The following JPH3 variants were observed in gnomAD, a reference collection of about 807,000 sequenced individuals.
JPH3 encodes junctophilin-3.
In JPH3, 11 loss-of-function variants were observed where a neutral mutation model predicts 59.6. The ratio of observed to expected loss-of-function variants is 0.18; its 90% CI spans 0.12 to 0.31. The LOEUF is 0.31. Ranked by LOEUF, JPH3 falls within the 10% of genes least tolerant of loss-of-function variation. The pLI, the probability that JPH3 is intolerant of heterozygous loss-of-function variation, is 1.00. For synonymous variants in JPH3, 673 were observed against 483.6 expected, an observed-to-expected ratio of 1.39 and a Z score of -5.14; for missense variants, 1,202 against 1,105.7, an observed-to-expected ratio of 1.09 and a Z score of -1.24.
rs1167907408 is a variant in JPH3 at position 87,603,293 on chromosome 16, G to T, written c.147G>T (p.Val49=). The change falls in exon 1 of 5, where the codon GTG becomes GTT. Residue 49 remains valine, a synonymous_variant. Transcript: ENST00000284262. The part of the protein sequence containing the change: ...YTGSWSHGFE[V]LGVYTWPSGN... ...GCTCGTGGAGCCACGGCTTCGAGGT[G>T]CTGGGCGTCTACACCTGGCCCAGCG... 1 of 1,613,502 alleles carries T rather than the reference G, an allele frequency of 6.2e-7. No homozygotes were observed. Among genetic ancestry groups the T allele is most frequent in the Non-Finnish European group, 8.5e-7 (1 of 1,179,916 alleles).
At chr16:87,653,126 C>G (rs1207567828) in intron 2 of JPH3, among the ~76,000 whole-genome samples, 1 of 152,214 alleles carries the variant, frequency 6.6e-6, no homozygotes, top group African/African-American at 2.4e-5. Context: ...CCTCCTCTCA[C>G]ATTCTTCACA....
intron 2 of JPH3, among the ~76,000 whole-genome samples, chr16:87,659,095 C>T (rs190122101): frequency 3.1e-4 from 47 of 152,284 alleles, no homozygotes; most frequent in South Asian, 1.9e-3. Context: ...CTGGAACAGA[C>T]GGGTGTGGTG....
At chr16:87,691,874 A>G (rs1473735818) in intron 4 of JPH3, among the ~76,000 whole-genome samples, 3 of 152,126 alleles carry the variant, frequency 2.0e-5, no homozygotes, top group South Asian at 4.2e-4. Context: ...TATTTTAGGA[A>G]CAGCCAAGCA....
chr16:87,644,434 G>C lies in JPH3; in HGVS notation c.559G>C (p.Gly187Arg), dbSNP rs374203830. Residue 187 changes from glycine to arginine, a missense_variant, in exon 2 of 5, where the codon GGC (glycine) becomes CGC (arginine). Physicochemically the swap from Gly to Arg is moderately radical, Grantham distance 125 (BLOSUM62 -2). Coordinates refer to ENST00000284262, the MANE Select transcript of JPH3 (RefSeq NM_020655.4). ...LHPDASPAVAGSPAVSRGGFV... is the reference protein window; with the variant it reads ...LHPDASPAVARSPAVSRGGFV... ...TCCCGACGCCTCTCCGGCGGTGGCC[G>C]GCAGCCCGGCCGTGTCCCGCGGGGG... The C allele has an allele frequency of 1.2e-6, 2 of 1,612,050 alleles. No individual in the cohort carries two copies. The highest frequency in any genetic ancestry group is 1.7e-5 in the Admixed American group (1 of 59,966).
At chr16:87,635,322 C>T (rs1041747144) in intron 1 of JPH3, among the ~76,000 whole-genome samples, 6 of 152,112 alleles carry the variant, frequency 3.9e-5, no homozygotes, top group African/African-American at 7.2e-5. Flanking sequence ...CCCCGGGCTC[C>T]GAAACTAAAG....
intron 1 of JPH3, among the ~76,000 whole-genome samples, chr16:87,627,245 G>A (rs1301212062): frequency 6.6e-6 from 1 of 152,228 alleles, no homozygotes; most frequent in Non-Finnish European, 1.5e-5. Context: ...TGGGGCCCCA[G>A]CCCCCAGTTC....
chr16:87,602,119 C>G (rs1398580213), upstream of JPH3: 1 of 151,650 alleles, frequency 6.6e-6, no homozygotes, highest in East Asian at 2.0e-4. Context: ...TAGGGGCGCT[C>G]AGCTGGCAGG....
Position 87,644,473 on chromosome 16 carries a change from G to C in JPH3, c.598G>C (p.Ala200Pro). The change falls in exon 2 of 5, where the codon GCC becomes CCC. Residue 200 changes from alanine (A) to proline (P), a missense_variant. Transcript: ENST00000284262. The part of the protein sequence containing the change: ...AVSRGGFVLV[A>P]HSDSEILKSK... ...GTCCCGCGGGGGCTTCGTGCTCGTG[G>C]CCCACAGTGACTCCGAGATCCTCAA... is the stretch of plus-strand genomic sequence containing the variant. 6.2e-7 allele frequency: 1 copy of C among 1,612,798 alleles called. No homozygotes were observed. Among genetic ancestry groups the C allele is most frequent in the Non-Finnish European group, 8.5e-7 (1 of 1,179,794 alleles).
chr16:87,638,178 C>T (rs113920132), intron 1 of JPH3, among the ~76,000 whole-genome samples: 4,911 of 152,266 alleles, frequency 0.032, 274 homozygotes, highest in African/African-American at 0.11. Context: ...CCTGGCCTCC[C>T]AAAGTGCTGA....
At chr16:87,691,365 A>G (rs548979562) in intron 4 of JPH3, among the ~76,000 whole-genome samples, 7 of 152,198 alleles carry the variant, frequency 4.6e-5, no homozygotes, top group African/African-American at 1.7e-4. Flanking sequence ...CCAGGCCCTC[A>G]CCCCAGCAGG....
chr16:87,644,244 C>G lies in JPH3; in HGVS notation c.383-14C>G, dbSNP rs1048318894. Reference sequence around the variant, plus strand: ...TGTCGCTGGGCACTCACCCCTCTCTCATTTTCTCCCCAGGGACCTACCAGG... The same window carrying G: ...TGTCGCTGGGCACTCACCCCTCTCTGATTTTCTCCCCAGGGACCTACCAGG... On this transcript the variant is annotated splice_polypyrimidine_tract_variant and intron_variant, in intron 1 of 4. Transcript: ENST00000284262. 1.9e-6 allele frequency: 3 copies of G among 1,591,068 alleles called. No individual in the cohort carries two copies. Among genetic ancestry groups the G allele is most frequent in the Non-Finnish European group, 2.6e-6 (3 of 1,168,120 alleles).
intron 3 of JPH3, among the ~76,000 whole-genome samples, chr16:87,687,800 C>A (rs1370664745): frequency 3.9e-5 from 6 of 152,156 alleles, no homozygotes; most frequent in African/African-American, 1.4e-4. Flanking sequence ...GGCCTGATCT[C>A]GGCAGCAGTG....
At chr16:87,624,492 T>C (rs3860288) in intron 1 of JPH3, among the ~76,000 whole-genome samples, 51,309 of 152,198 alleles carry the variant, frequency 0.34, 8,927 homozygotes, top group African/African-American at 0.36. Context: ...TGAGTCCACT[T>C]CTTCGTATCG....
intron 2 of JPH3, among the ~76,000 whole-genome samples, chr16:87,645,563 G>A (rs915306161): frequency 6.6e-6 from 1 of 152,214 alleles, no homozygotes; most frequent in African/African-American, 2.4e-5. Context: ...AGGGGCTCAT[G>A]CAGGCCTGGT....
At chr16:87,636,978 C>T (rs999989281) in intron 1 of JPH3, among the ~76,000 whole-genome samples, 1 of 152,214 alleles carries the variant, frequency 6.6e-6, no homozygotes, top group African/African-American at 2.4e-5. Flanking sequence ...CCAGCACTGC[C>T]GGCCAGGCTC....
chr16:87,661,966 T>C (rs1313274087), intron 2 of JPH3, among the ~76,000 whole-genome samples: 1 of 152,252 alleles, frequency 6.6e-6, no homozygotes, highest in African/African-American at 2.4e-5. Flanking sequence ...GATTTTACGC[T>C]CACAGATTCG....
At chr16:87,648,354 G>A (rs1217396588) in intron 2 of JPH3, among the ~76,000 whole-genome samples, 2 of 152,216 alleles carry the variant, frequency 1.3e-5, no homozygotes, top group Non-Finnish European at 2.9e-5. Context: ...ACTGGAGCAT[G>A]AGAGCGGCCG....
At chr16:87,648,878 C>T (rs544353614) in intron 2 of JPH3, among the ~76,000 whole-genome samples, 13 of 152,232 alleles carry the variant, frequency 8.5e-5, no homozygotes, top group Middle Eastern at 3.2e-3. Context: ...GTGGGGGCCC[C>T]AGCACCTGCA....
chr16:87,682,785 G>A (rs535223798), intron 2 of JPH3, among the ~76,000 whole-genome samples: 6 of 152,350 alleles, frequency 3.9e-5, no homozygotes, highest in Admixed American at 2.6e-4. Flanking sequence ...ATTGGTCATT[G>A]TGCCTCAGTT....
Sources: allele counts gnomAD v4.1 joint callset (sites outside exome capture counted in the v4.1 genomes callset), GRCh38; gene constraint gnomAD v4.1.1; transcripts MANE v1.5; gene names NCBI Gene and HGNC (gene_info 2026-07-23, HGNC 2026-07-21).